Variants in CARS2 observed in about 807,000 individuals in gnomAD.
The protein encoded by CARS2 is cysteinyl-tRNA synthetase 2, mitochondrial.
In CARS2, 52 loss-of-function variants were observed where a neutral mutation model predicts 68.8. The ratio of observed to expected loss-of-function variants is 0.76; its 90% CI spans 0.61 to 0.95. The LOEUF (loss-of-function observed/expected upper bound fraction) is 0.95, where lower values mean the gene tolerates loss of function less well. Ranked by LOEUF, CARS2 falls within the 40% of genes least tolerant of loss-of-function variation. The pLI, the probability that CARS2 is intolerant of heterozygous loss-of-function variation, is 0.00. For synonymous variants in CARS2, 314 were observed against 303.6 expected (o/e 1.03, Z -0.36); for missense variants, 780 against 754.2 (o/e 1.03, Z -0.40).
At chr13:110,666,207 G>A in intron 8 of CARS2, 1 of 985,418 alleles carries the variant, frequency 1.0e-6, no homozygotes. Flanking sequence ...CCACTGGGCA[G>A]CGTGCACCCC....
At chr13:110,648,074 G>A (rs754201560) in intron 10 of CARS2, among the ~76,000 whole-genome samples, 3 of 152,162 alleles carry the variant, frequency 2.0e-5, no homozygotes, top group Non-Finnish European at 2.9e-5. Context: ...ACTTCAAAAC[G>A]AGAATTCCAA....
In CARS2 at chr13:110,676,503, G is replaced by A. The variant is rs1326477515; in HGVS notation, c.785+471C>T. 6.6e-6 allele frequency among the ~76,000 whole-genome samples: 1 copy of A among 152,168 alleles called. No homozygotes were observed. The highest frequency in any genetic ancestry group is 1.5e-5 in the Non-Finnish European group (1 of 68,014). The stretch of plus-strand genomic sequence containing the variant: ...CTTTGGTGACAGAGGACCCACATGA[G>A]GGTGGCTGGGGGACTCCAGGAAGAT... On this transcript the variant is annotated intron_variant, in intron 7 of 14. Coordinates refer to ENST00000257347, the MANE Select transcript of CARS2 (RefSeq NM_024537.4). The surrounding 1 kb of genome is among the most constrained non-coding windows in gnomAD (Gnocchi z 4.0).
intron 8 of CARS2, chr13:110,666,935 T>C (rs896254214): frequency 2.5e-5 from 25 of 985,272 alleles, no homozygotes; most frequent in Admixed American, 1.2e-4. Context: ...ACAGCTGGGG[T>C]TCATCAGTTA....
In CARS2 at chr13:110,642,324, G is replaced by A; in HGVS notation, c.1614C>T (p.Ile538=). 6.5e-7 allele frequency: 1 copy of A among 1,549,740 alleles called. No individual in the cohort carries two copies. The highest frequency in any genetic ancestry group is 8.7e-7 in the Non-Finnish European group (1 of 1,146,330). Reference sequence around the variant, plus strand: ...TTGGTGCGGCACTCACCTTGATGTTGATGCCGTGGGCAGTCAGGCCCCGGC... The same window carrying A: ...TTGGTGCGGCACTCACCTTGATGTTAATGCCGTGGGCAGTCAGGCCCCGGC... The part of the protein sequence containing the change: ...TLRRGLTAHG[I]NIKDRSSTTS... The change falls in exon 14 of 15, where the codon ATC becomes ATT. Residue 538 remains isoleucine (I), a synonymous_variant. Coordinates refer to ENST00000257347, the MANE Select transcript of CARS2 (RefSeq NM_024537.4).
intron 5 of CARS2, among the ~76,000 whole-genome samples, chr13:110,687,065 A>T (rs914765799): frequency 1.3e-5 from 2 of 152,188 alleles, no homozygotes; most frequent in African/African-American, 4.8e-5. Flanking sequence ...CTCTGGAGGT[A>T]CTGTGTTTGT....
intron 9 of CARS2, among the ~76,000 whole-genome samples, chr13:110,651,944 A>C (rs1594242438): frequency 6.6e-6 from 1 of 152,214 alleles, no homozygotes; most frequent in Non-Finnish European, 1.5e-5. Context: ...CCAAGAAAGA[A>C]AGCCGAGCTC....
chr13:110,678,918 G>A (rs2063053675), intron 6 of CARS2, among the ~76,000 whole-genome samples: 1 of 152,182 alleles, frequency 6.6e-6, no homozygotes, highest in South Asian at 2.1e-4. Flanking sequence ...CGCGGGGCGG[G>A]GAGGAGGCAC....
At chr13:110,651,241 AACTC>A (rs1396633469) in intron 9 of CARS2, 141 bp from the exon 10 acceptor site, 5 of 582,280 alleles carry the variant, frequency 8.6e-6, no homozygotes, top group African/African-American at 1.9e-5. Context: ...GAGCCCTCCA[AACTC>A]ACAATTACCA....
At chr13:110,681,322 T>A (rs1026956125) in intron 6 of CARS2, among the ~76,000 whole-genome samples, 7 of 152,224 alleles carry the variant, frequency 4.6e-5, no homozygotes, top group African/African-American at 1.7e-4. Context: ...CATTAAAATT[T>A]TTTTTCACCA....
At chr13:110,659,280 A>G (rs749772554) in intron 9 of CARS2, among the ~76,000 whole-genome samples, 5 of 152,122 alleles carry the variant, frequency 3.3e-5, no homozygotes, top group Non-Finnish European at 7.3e-5. Context: ...GAACAAGCAG[A>G]TGCAGGAAAT....
At chr13:110,685,402 A>C (rs1441860321) in intron 5 of CARS2, among the ~76,000 whole-genome samples, 2 of 152,236 alleles carry the variant, frequency 1.3e-5, no homozygotes, top group Non-Finnish European at 2.9e-5. Context: ...CCTACTGAGC[A>C]GATCCTCAGG....
chr13:110,654,576 G>C (rs1298489566), intron 9 of CARS2, among the ~76,000 whole-genome samples: 1 of 151,704 alleles, frequency 6.6e-6, no homozygotes, highest in East Asian at 1.9e-4. Context: ...ACAGCAAATA[G>C]ACAAACGCAT....
chr13:110,696,656 A>T (rs1248138910), intron 3 of CARS2, among the ~76,000 whole-genome samples: 1 of 152,242 alleles, frequency 6.6e-6, no homozygotes, highest in African/African-American at 2.4e-5. Context: ...CTGTGTACCA[A>T]GTATGGAAAT....
chr13:110,694,740 A>G (rs1007065697), intron 3 of CARS2, among the ~76,000 whole-genome samples: 2 of 152,214 alleles, frequency 1.3e-5, no homozygotes, highest in African/African-American at 4.8e-5. Context: ...CTGACAACCT[A>G]TAAAATGGTG....
At chr13:110,700,177 T>G (rs1207719672) in intron 3 of CARS2, among the ~76,000 whole-genome samples, 1 of 152,102 alleles carries the variant, frequency 6.6e-6, no homozygotes, top group Non-Finnish European at 1.5e-5. Flanking sequence ...AGGGCCACCT[T>G]ACAAAATCAA....
rs1183761530 is a variant in CARS2, at chr13:110,665,780, A to G, written c.919+1560T>C. ...TCGGGGCAATCAGCCTCATCTATTTACTTTCATGAAGAAACCCAAGTGAAC... is the reference window on the plus strand; with the variant it reads ...TCGGGGCAATCAGCCTCATCTATTTGCTTTCATGAAGAAACCCAAGTGAAC... On this transcript the variant is annotated intron_variant, in intron 8 of 14. Coordinates refer to ENST00000257347, the MANE Select transcript of CARS2 (RefSeq NM_024537.4). The surrounding 1 kb of genome is among the most constrained non-coding windows in gnomAD (Gnocchi z 4.3). 1.0e-6 allele frequency: 1 copy of G among 985,228 alleles called. No individual in the cohort carries two copies. The highest frequency in any genetic ancestry group is 1.1e-4 in the East Asian group (1 of 8,808). The allele number at this position is 985,228 out of a possible 1,614,324, so 61.0% of individuals were successfully genotyped here. A position where few individuals can be genotyped will look rare whatever the true frequency, so the allele number is the denominator to read the frequency against.
In CARS2 at chr13:110,705,646, C is replaced by A; in HGVS notation, c.225-75G>T. 1.3e-6 allele frequency: 2 copies of A among 1,502,920 alleles called. No individual in the cohort carries two copies. Among genetic ancestry groups the A allele is most frequent in the South Asian group, 2.3e-5 (2 of 87,642 alleles). The allele number at this position is 1,502,920 out of a possible 1,614,324, so 93.1% of individuals were successfully genotyped here. On this transcript the variant is annotated intron_variant, in intron 1 of 14. Transcript: ENST00000257347. This position sits in a 1 kb window ranked among gnomAD's most constrained non-coding sequence, Gnocchi z 4.0. ...ACATTCGATTCTGAGTTATAATGAT[C>A]ATATAATTTTTAAAGTAATCACTTC...
rs543981716 is a variant in CARS2 at position 110,688,039 on chromosome 13, C to T, written c.394-21G>A. On this transcript the variant is annotated intron_variant, in intron 3 of 14. Transcript: ENST00000257347. ...TTCATCTGCAGAAGGATTAGATGTG[C>T]ACGTTAATGAGTCTGGGGCATTCGC... is the stretch of plus-strand genomic sequence containing the variant. 33 of 1,562,070 alleles carry T rather than the reference C, an allele frequency of 2.1e-5. No homozygotes were observed. In the South Asian group the frequency reaches 3.1e-4, roughly 15 times the overall value.
intron 6 of CARS2, among the ~76,000 whole-genome samples, chr13:110,679,525 T>C (rs899044505): frequency 2.3e-5 from 3 of 131,490 alleles, no homozygotes. Flanking sequence ...AGTGACATTC[T>C]ATCTCAAAAA....
Sources: gnomAD v4.1 joint callset for allele counts (sites outside exome capture counted in the v4.1 genomes callset) on GRCh38, gnomAD v4.1.1 for gene constraint, Gnocchi (gnomAD v3.1) non-coding constraint, MANE v1.5 for transcripts, NCBI Gene and HGNC (gene_info 2026-07-23, HGNC 2026-07-21) for gene names.